The following DCC variants were observed in gnomAD, a reference collection of about 807,000 sequenced individuals.
DCC encodes the protein netrin receptor DCC.
DCC carries 58 observed loss-of-function variants against 172.5 expected under a neutral mutation model. The observed-to-expected ratio is 0.34, with a 90% CI of 0.27 to 0.42. DCC has a LOEUF of 0.42. DCC is among the 10% of genes least tolerant of loss of function. The pLI is 1.00. For synonymous variants in DCC, 709 were observed against 644.5 expected, an observed-to-expected ratio of 1.10 and a Z score of -1.52; for missense variants, 1,740 against 1,791.0, an observed-to-expected ratio of 0.97 and a Z score of 0.51.
chr18:52,757,954 T>TAA (rs2037101840), intron 2 of DCC, among the ~76,000 whole-genome samples: 1 of 152,200 alleles, frequency 6.6e-6, no homozygotes, highest in Admixed American at 6.5e-5. Context: ...CAGAACGCTG[T>TAA]AAACAATTTC....
At chr18:52,599,689 T>C (rs1390568635) in intron 1 of DCC, among the ~76,000 whole-genome samples, 1 of 152,106 alleles carries the variant, frequency 6.6e-6, no homozygotes, top group East Asian at 1.9e-4. Context: ...AATTTTTGTA[T>C]TTTTAGTGGA....
chr18:53,498,220 C>T (rs1385463735), intron 26 of DCC, among the ~76,000 whole-genome samples: 1 of 152,200 alleles, frequency 6.6e-6, no homozygotes, highest in African/African-American at 2.4e-5. Context: ...ATTTCCTCTG[C>T]CCTTTGATGA....
chr18:53,243,848 T>G (rs562055972), intron 12 of DCC, among the ~76,000 whole-genome samples: 1 of 152,284 alleles, frequency 6.6e-6, no homozygotes, highest in Non-Finnish European at 1.5e-5. Context: ...AAGTCTTCTC[T>G]TTCTTTTTAT....
At chr18:52,545,356 G>A (rs937799098) in intron 1 of DCC, among the ~76,000 whole-genome samples, 6 of 152,314 alleles carry the variant, frequency 3.9e-5, no homozygotes, top group Non-Finnish European at 4.4e-5. Flanking sequence ...CTTTCCTGCA[G>A]TGATCCCCAG....
intron 7 of DCC, among the ~76,000 whole-genome samples, chr18:53,131,932 T>C (rs971764931): frequency 6.9e-6 from 1 of 144,466 alleles, no homozygotes; most frequent in African/African-American, 2.5e-5. Context: ...TTGGCAAACA[T>C]GGTATCATTG....
chr18:52,866,283 T>G (rs1447448093), intron 2 of DCC, among the ~76,000 whole-genome samples: 1 of 152,236 alleles, frequency 6.6e-6, no homozygotes, highest in Non-Finnish European at 1.5e-5. Context: ...CATGCTGTTT[T>G]GGTTACTGTA....
At chr18:53,317,427 C>T (rs769355413) in intron 13 of DCC, among the ~76,000 whole-genome samples, 6 of 152,008 alleles carry the variant, frequency 3.9e-5, no homozygotes, top group East Asian at 3.9e-4. Context: ...TCAGGGATAT[C>T]GGCTTGAAAT....
At chr18:52,449,523 A>G (rs1014629593) in intron 1 of DCC, among the ~76,000 whole-genome samples, 6 of 152,234 alleles carry the variant, frequency 3.9e-5, no homozygotes, top group African/African-American at 1.4e-4. Flanking sequence ...TGATAACACT[A>G]TAGCATTTGC....
At chr18:52,593,888 C>A (rs953096497) in intron 1 of DCC, among the ~76,000 whole-genome samples, 2 of 152,230 alleles carry the variant, frequency 1.3e-5, no homozygotes, top group South Asian at 2.1e-4. Context: ...GGCACTGATT[C>A]ATTCCTCCAA....
chr18:52,401,804 G>A (rs962214517), intron 1 of DCC, among the ~76,000 whole-genome samples: 2 of 151,912 alleles, frequency 1.3e-5, no homozygotes, highest in Non-Finnish European at 2.9e-5. Context: ...TTAACAAAAT[G>A]ATAAAGAGTT....
intron 9 of DCC, among the ~76,000 whole-genome samples, chr18:53,202,804 A>C (rs2055560956): frequency 6.6e-6 from 1 of 152,178 alleles, no homozygotes; most frequent in South Asian, 2.1e-4. Context: ...ATTTGTCTGA[A>C]TGCATAACCT....
chr18:52,941,774 TA>T (rs1343202818), intron 5 of DCC, among the ~76,000 whole-genome samples: 2 of 152,060 alleles, frequency 1.3e-5, no homozygotes, highest in African/African-American at 2.4e-5. Flanking sequence ...TTCTGATGTT[TA>T]TTTTTTTATT....
chr18:52,918,533 C>A (rs1213253209), intron 3 of DCC, among the ~76,000 whole-genome samples: 3 of 152,060 alleles, frequency 2.0e-5, no homozygotes, highest in Non-Finnish European at 4.4e-5. Flanking sequence ...ACACACTTTG[C>A]AATACTAGAG....
At chr18:53,340,419 CA>C (rs536442177) in intron 15 of DCC, among the ~76,000 whole-genome samples, 150 of 152,072 alleles carry the variant, frequency 9.9e-4, no homozygotes, top group Middle Eastern at 3.4e-3. Flanking sequence ...ATTATGACTG[CA>C]AAAGAAGATG....
intron 3 of DCC, among the ~76,000 whole-genome samples, chr18:52,920,500 C>T (rs1287004048): frequency 6.6e-6 from 1 of 151,890 alleles, no homozygotes; most frequent in Non-Finnish European, 1.5e-5. Flanking sequence ...TATACCATTA[C>T]ACGTGTATTA....
intron 2 of DCC, among the ~76,000 whole-genome samples, chr18:52,793,934 T>A (rs2037822955): frequency 6.6e-6 from 1 of 152,174 alleles, no homozygotes; most frequent in African/African-American, 2.4e-5. Context: ...TTTTAAAAAA[T>A]CAGTTGGCTG....
At chr18:52,599,239 A>G (rs11876338) in intron 1 of DCC, among the ~76,000 whole-genome samples, 2,517 of 152,232 alleles carry the variant, frequency 0.017, 81 homozygotes, top group African/African-American at 0.057. Flanking sequence ...ACTGATAGTC[A>G]TTTTAAGAAT....
At chr18:52,352,568 A>G (rs1984172918) in intron 1 of DCC, among the ~76,000 whole-genome samples, 1 of 152,046 alleles carries the variant, frequency 6.6e-6, no homozygotes, top group African/African-American at 2.4e-5. Context: ...GACCATGTCC[A>G]TTTTCTACAG....
In DCC at chr18:53,382,486, AG is replaced by A. The variant is rs201745089; in HGVS notation, c.2360-3556del. On this transcript the variant is annotated intron_variant, in intron 15 of 28. Coordinates refer to ENST00000442544, the MANE Select transcript of DCC (RefSeq NM_005215.4). The stretch of plus-strand genomic sequence containing the variant: ...TAGTTCAAAGTTCATATATTCCAAA[AG>A]TCTTCTTTGATGACCTAAATCCTCA... 4.1e-3 allele frequency among the ~76,000 whole-genome samples: 629 copies of A among 152,184 alleles called. 2 individuals are homozygous for A. The highest frequency in any genetic ancestry group is 7.3e-3 in the Non-Finnish European group (497 of 67,946).
Sources: gnomAD v4.1 joint callset for allele counts (sites outside exome capture counted in the v4.1 genomes callset) on GRCh38, gnomAD v4.1.1 for gene constraint, MANE v1.5 for transcripts, NCBI Gene and HGNC (gene_info 2026-07-23, HGNC 2026-07-21) for gene names.